HACD4: variants seen among roughly 807,000 people sequenced by gnomAD.
HACD4 encodes the protein 3-hydroxyacyl-CoA dehydratase 4.
In HACD4, 35 loss-of-function variants were observed where a neutral mutation model predicts 33.3. The ratio of observed to expected loss-of-function variants is 1.05; its 90% CI spans 0.80 to 1.39. The LOEUF (loss-of-function observed/expected upper bound fraction) is 1.39. Among genes scored for constraint, HACD4 ranks in the 40% most tolerant of loss-of-function variants. HACD4 has a pLI of 0.00. For missense variants in HACD4, 323 were observed against 276.5 expected, an observed-to-expected ratio of 1.17 and a Z score of -1.19; for synonymous variants, 118 against 98.0, an observed-to-expected ratio of 1.20 and a Z score of -1.21.
At position 21,002,646 on chromosome 9, in the gene HACD4, T is replaced by A. The variant is rs1002869608; in HGVS notation, c.*4391A>T. On this transcript the variant is annotated 3_prime_UTR_variant, in exon 7 of 7. Transcript: ENST00000495827. ...TTCTGGAGATGGACAGTGGTGATGG[T>A]TGCACAATATAAATTACTTACTACT... 9 of 152,126 alleles carry A rather than the reference T, an allele frequency of 5.9e-5. No homozygotes were observed. Among genetic ancestry groups the A allele is most frequent in the Admixed American group, 5.2e-4 (8 of 15,264 alleles). 9.4% of individuals were successfully genotyped at this position (152,126 alleles called of 1,614,324 possible).
chr9:21,018,061 C>A (rs114786006), intron 3 of HACD4, among the ~76,000 whole-genome samples: 1,807 of 152,256 alleles, frequency 0.012, 30 homozygotes, highest in African/African-American at 0.041. Context: ...CACATACACA[C>A]GAGTGAAGAC....
At chr9:21,031,368 A>T in intron 1 of HACD4, 185 bp downstream of exon 1, 1 of 689,850 alleles carries the variant, frequency 1.4e-6, no homozygotes, top group Non-Finnish European at 1.8e-6. Context: ...CCTGCTTCCT[A>T]GGGTGGTCAA....
Position 21,006,892 on chromosome 9 carries a change from G to T in HACD4, c.*145C>A. The stretch of plus-strand genomic sequence containing the variant: ...TGAAAAACATAGCCTGTTATGTCTA[G>T]AGTTTTGGGGGTATGTGCAGTTATT... On this transcript the variant is annotated 3_prime_UTR_variant, in exon 7 of 7. Coordinates refer to ENST00000495827, the MANE Select transcript of HACD4 (RefSeq NM_001010915.5). This position sits in a 1 kb window ranked among gnomAD's most constrained non-coding sequence, Gnocchi z 4.6. The T allele has an allele frequency of 1.5e-6, 1 of 668,582 alleles. No individual in the cohort carries two copies. Among genetic ancestry groups the T allele is most frequent in the East Asian group, 2.7e-5 (1 of 37,102 alleles). The allele number at this position is 668,582 out of a possible 1,614,324, so 41.4% of individuals were successfully genotyped here.
At position 21,001,257 on chromosome 9, in the gene HACD4, A is replaced by T. The variant is rs1174176552; in HGVS notation, c.*5780T>A. ...ATATAGAGAAAATCTAAGACGATAC[A>T]AAAAAGAAATTCAAGAGCTGGAAAG... On this transcript the variant is annotated 3_prime_UTR_variant, in exon 7 of 7. Transcript: ENST00000495827. 6.6e-6 allele frequency: 1 copy of T among 152,066 alleles called. No homozygotes were observed. Among genetic ancestry groups the T allele is most frequent in the Non-Finnish European group, 1.5e-5 (1 of 67,962 alleles). 9.4% of individuals were successfully genotyped at this position (152,066 alleles called of 1,614,324 possible).
intron 2 of HACD4, 72 bp from the exon 3 acceptor site, chr9:21,026,795 T>G: frequency 7.7e-7 from 1 of 1,303,582 alleles, no homozygotes; most frequent in Non-Finnish European, 1.1e-6. Context: ...TATGCAGCAC[T>G]TTGAAGTCAA....
intron 3 of HACD4, among the ~76,000 whole-genome samples, chr9:21,019,715 T>A (rs1817855780): frequency 1.3e-5 from 2 of 151,796 alleles, no homozygotes; most frequent in South Asian, 2.1e-4. Flanking sequence ...ACCTACAGAG[T>A]GAATTGGACA....
intron 3 of HACD4, among the ~76,000 whole-genome samples, chr9:21,023,563 C>A (rs1349429321): frequency 1.3e-5 from 2 of 149,690 alleles, no homozygotes; most frequent in Non-Finnish European, 3.0e-5. Context: ...ATTCAGTTGT[C>A]ACTTAACAAT....
chr9:21,021,703 C>A (rs1817917623), intron 3 of HACD4, among the ~76,000 whole-genome samples: 1 of 152,098 alleles, frequency 6.6e-6, no homozygotes, highest in African/African-American at 2.4e-5. Context: ...AGGAGAACTA[C>A]AAACCACTGC....
chr9:21,022,672 C>T (rs1454297118), intron 3 of HACD4, among the ~76,000 whole-genome samples: 1 of 149,862 alleles, frequency 6.7e-6, no homozygotes, highest in Non-Finnish European at 1.5e-5. Context: ...AATGAGATAC[C>T]ATCTCACACC....
intron 4 of HACD4, among the ~76,000 whole-genome samples, chr9:21,012,876 G>C (rs1378722503): frequency 6.6e-6 from 1 of 152,034 alleles, no homozygotes; most frequent in Non-Finnish European, 1.5e-5. Context: ...AGACCAGCCT[G>C]GCCAACGTGG....
In HACD4 at chr9:21,001,164, T is replaced by C. The variant is rs1284513967; in HGVS notation, c.*5873A>G. On this transcript the variant is annotated 3_prime_UTR_variant, in exon 7 of 7. Coordinates refer to ENST00000495827, the MANE Select transcript of HACD4 (RefSeq NM_001010915.5). ...TCTACAACGACTGCCTTAAGGATGT[T>C]TTTTAAAGAACCAAAGAGCATGCGG... The C allele has an allele frequency of 6.6e-6, 1 of 152,030 alleles. No individual in the cohort carries two copies. The highest frequency in any genetic ancestry group is 1.5e-5 in the Non-Finnish European group (1 of 67,970). The allele number at this position is 152,030 out of a possible 1,614,324, so 9.4% of individuals were successfully genotyped here.
At chr9:21,017,369 C>A (rs1426881037) in intron 3 of HACD4, among the ~76,000 whole-genome samples, 1 of 152,150 alleles carries the variant, frequency 6.6e-6, no homozygotes, top group East Asian at 1.9e-4. Flanking sequence ...AAACCTTAGT[C>A]AAACCATGGA....
intron 4 of HACD4, 109 bp downstream of exon 4, chr9:21,015,789 G>A: frequency 5.0e-6 from 3 of 599,328 alleles, no homozygotes; most frequent in Middle Eastern, 5.5e-4. Context: ...ATTTGAAAAG[G>A]GGTTATGTTT....
chr9:21,015,176 C>T (rs1842527252), intron 4 of HACD4: 1 of 152,126 alleles, frequency 6.6e-6, no homozygotes, highest in South Asian at 2.1e-4. Flanking sequence ...AAGTTATTGA[C>T]AATATAATGA....
chr9:21,020,217 C>A (rs1425171696), intron 3 of HACD4, among the ~76,000 whole-genome samples: 1 of 141,106 alleles, frequency 7.1e-6, no homozygotes, highest in East Asian at 2.3e-4. Flanking sequence ...ATTAATAGTG[C>A]AGGAGTGTTT....
chr9:21,018,223 G>A, intron 3 of HACD4, among the ~76,000 whole-genome samples: 1 of 152,178 alleles, frequency 6.6e-6, no homozygotes, highest in East Asian at 1.9e-4. Flanking sequence ...TTTACCTTGT[G>A]CCAGGTTCCA....
chr9:21,007,595 T>G (rs1369126934), intron 6 of HACD4, among the ~76,000 whole-genome samples: 3 of 152,160 alleles, frequency 2.0e-5, no homozygotes, highest in Non-Finnish European at 1.5e-5. Flanking sequence ...TTCTCTTGAG[T>G]CTGTAACACC....
At chr9:21,018,575 C>T (rs1112165) in intron 3 of HACD4, among the ~76,000 whole-genome samples, 31,462 of 152,190 alleles carry the variant, frequency 0.21, 3,907 homozygotes, top group Middle Eastern at 0.32. Context: ...TCAGTCTTCT[C>T]TAATATGACC....
chr9:21,018,454 T>G, intron 3 of HACD4, among the ~76,000 whole-genome samples: 1 of 152,192 alleles, frequency 6.6e-6, no homozygotes, highest in Non-Finnish European at 1.5e-5. Context: ...GTATCCAGAT[T>G]ATAGCCTATT....
Sources: gnomAD v4.1 joint callset for allele counts (sites outside exome capture counted in the v4.1 genomes callset) on GRCh38, gnomAD v4.1.1 for gene constraint, Gnocchi (gnomAD v3.1) non-coding constraint, MANE v1.5 for transcripts, NCBI Gene and HGNC (gene_info 2026-07-23, HGNC 2026-07-21) for gene names.